The following STARD13 variants were observed in gnomAD, a reference collection of about 807,000 sequenced individuals.
STARD13 encodes the protein stAR-related lipid transfer protein 13.
STARD13 carries 62 observed loss-of-function variants against 106.4 expected under a neutral mutation model. That is an observed-to-expected ratio of 0.58 (90% CI 0.48 to 0.72). The LOEUF is 0.72. Ranked by LOEUF, STARD13 falls within the 30% of genes least tolerant of loss-of-function variation. The probability of loss-of-function intolerance (pLI) is 0.00; values close to 1 mark genes in which losing one functional copy is unlikely to be tolerated. For missense variants in STARD13, 1,387 were observed against 1,424.0 expected, an observed-to-expected ratio of 0.97 and a Z score of 0.42; for synonymous variants, 565 against 553.0, an observed-to-expected ratio of 1.02 and a Z score of -0.31.
the STARD13 span, among the ~76,000 whole-genome samples, chr13:33,541,286 C>T: frequency 6.6e-6 from 1 of 152,178 alleles, no homozygotes; most frequent in African/African-American, 2.4e-5. Context: ...AGCTATTTTG[C>T]AATCTTCCAG....
the STARD13 span, among the ~76,000 whole-genome samples, chr13:33,429,936 G>GA: frequency 2.0e-5 from 3 of 150,032 alleles, no homozygotes; most frequent in Admixed American, 2.0e-4. Flanking sequence ...TTGGGGGGGG[G>GA]GGACGGAGTC....
At chr13:33,335,425 C>T (rs2077884569) in intron 1 of STARD13, 1 of 152,152 alleles carries the variant, frequency 6.6e-6, no homozygotes, top group Admixed American at 6.5e-5. Context: ...ACTACGACAC[C>T]CATGAACTGT....
intron 3 of STARD13, among the ~76,000 whole-genome samples, chr13:33,149,792 A>C (rs1448488619): frequency 1.3e-5 from 2 of 152,240 alleles, no homozygotes; most frequent in East Asian, 3.8e-4. Flanking sequence ...CCTCAAGTAA[A>C]AGAATATGTC....
the STARD13 span, chr13:33,524,177 C>T: frequency 1.0e-6 from 1 of 958,208 alleles, no homozygotes; most frequent in South Asian, 2.0e-5. Flanking sequence ...TGGTGAATTA[C>T]ACCGTATGAA....
the STARD13 span, among the ~76,000 whole-genome samples, chr13:33,441,518 G>A: frequency 6.6e-6 from 1 of 152,158 alleles, no homozygotes; most frequent in African/African-American, 2.4e-5. Flanking sequence ...CAGTAAAATG[G>A]GGTTGCTTTG....
chr13:33,653,142 C>T, the STARD13 span, among the ~76,000 whole-genome samples: 7 of 152,010 alleles, frequency 4.6e-5, no homozygotes, highest in South Asian at 2.1e-4. Context: ...TATCAAATTC[C>T]GAGACATGTG....
At chr13:33,161,412 T>G (rs1041960496) in intron 3 of STARD13, among the ~76,000 whole-genome samples, 2 of 152,062 alleles carry the variant, frequency 1.3e-5, no homozygotes, top group African/African-American at 4.8e-5. Context: ...CCTCTTGGGC[T>G]CAAGTGATCC....
intron 1 of STARD13, among the ~76,000 whole-genome samples, chr13:33,198,025 C>T (rs1211789085): frequency 6.6e-6 from 1 of 151,344 alleles, no homozygotes; most frequent in African/African-American, 2.4e-5. Flanking sequence ...AAAAAATTAG[C>T]CGGGCATGGT....
the STARD13 span, among the ~76,000 whole-genome samples, chr13:33,364,439 C>A: frequency 6.6e-6 from 1 of 152,158 alleles, no homozygotes; most frequent in African/African-American, 2.4e-5. Flanking sequence ...ATGGGTTACT[C>A]TTAATATTTA....
At chr13:33,165,197 A>C (rs1883178226) in intron 3 of STARD13, 140 bp downstream of exon 3, 1 of 710,664 alleles carries the variant, frequency 1.4e-6, no homozygotes, top group African/African-American at 1.8e-5. Context: ...ACAGTAGTAC[A>C]TTTAGAACCT....
At chr13:33,665,491 A>G in the STARD13 span, among the ~76,000 whole-genome samples, 2 of 152,346 alleles carry the variant, frequency 1.3e-5, no homozygotes, top group East Asian at 3.9e-4. Context: ...CATTTAAGTT[A>G]TCTCTCGATG....
chr13:33,671,433 G>A, the STARD13 span, among the ~76,000 whole-genome samples: 3 of 152,212 alleles, frequency 2.0e-5, no homozygotes, highest in Non-Finnish European at 4.4e-5. Flanking sequence ...AAATGCATAT[G>A]TTATTTTAAA....
In STARD13 at chr13:33,109,322, C is replaced by T. The variant is rs571017420; in HGVS notation, c.3047+551G>A. On this transcript the variant is annotated intron_variant, in intron 12 of 13. Transcript: ENST00000336934. ...ACAGGGGTCTGGAACTCAACCCTTA[C>T]ATCAATCAGAAGAAATATTTCCTTG... 2.0e-5 allele frequency among the ~76,000 whole-genome samples: 3 copies of T among 152,288 alleles called. No homozygotes were observed. The East Asian group carries it at 5.8e-4, about 29-fold the overall frequency.
chr13:33,448,651 C>T, the STARD13 span, among the ~76,000 whole-genome samples: 98 of 152,096 alleles, frequency 6.4e-4, no homozygotes, highest in Middle Eastern at 3.2e-3. Context: ...CAGGGTAGTT[C>T]TATTTCTAAT....
chr13:33,417,755 G>A, the STARD13 span, among the ~76,000 whole-genome samples: 1 of 152,170 alleles, frequency 6.6e-6, no homozygotes, highest in Non-Finnish European at 1.5e-5. Flanking sequence ...GGTTTTCAGG[G>A]ACTAGGAGGT....
Position 33,105,561 on chromosome 13 carries a change from T to TTTCTC in STARD13, c.*31_*32insGAGAA. The TTTCTC allele has an allele frequency of 6.8e-7, 1 of 1,474,382 alleles. No homozygotes were observed. The highest frequency in any genetic ancestry group is 9.5e-7 in the Non-Finnish European group (1 of 1,052,362). The allele number at this position is 1,474,382 out of a possible 1,614,324, so 91.3% of individuals were successfully genotyped here. A position where few individuals can be genotyped will look rare whatever the true frequency, so the allele number is the denominator to read the frequency against. ...CCACACTCGTCACTTTAGCTTCCTC[T>TTTCTC]TCCCTGAGTTTGATGTCACACTGGG... is the stretch of plus-strand genomic sequence containing the variant. On this transcript the variant is annotated 3_prime_UTR_variant, in exon 14 of 14. Transcript: ENST00000336934.
the STARD13 span, among the ~76,000 whole-genome samples, chr13:33,666,654 G>C: frequency 1.5e-3 from 223 of 151,842 alleles, no homozygotes; most frequent in African/African-American, 5.2e-3. Context: ...GCAGTGGCGC[G>C]ATCTCGACTC....
the STARD13 span, among the ~76,000 whole-genome samples, chr13:33,554,900 CA>C: frequency 6.6e-6 from 1 of 152,158 alleles, no homozygotes; most frequent in Non-Finnish European, 1.5e-5. Flanking sequence ...GTGTTTGGCA[CA>C]TTTTAAGCAT....
At chr13:33,542,940 G>A in the STARD13 span, among the ~76,000 whole-genome samples, 1 of 152,194 alleles carries the variant, frequency 6.6e-6, no homozygotes, top group Non-Finnish European at 1.5e-5. Flanking sequence ...TGGACGGGGA[G>A]GGACCCGAGT....
Sources: allele counts gnomAD v4.1 joint callset (sites outside exome capture counted in the v4.1 genomes callset), GRCh38; gene constraint gnomAD v4.1.1; transcripts MANE v1.5; gene names NCBI Gene and HGNC (gene_info 2026-07-23, HGNC 2026-07-21).